PFKFB2: variants seen among roughly 807,000 people sequenced by gnomAD.
PFKFB2 encodes the protein 6-phosphofructo-2-kinase/fructose-2,6-biphosphatase 2.
PFKFB2 carries 53 observed loss-of-function variants against 68.0 expected under a neutral mutation model. That is an observed-to-expected ratio of 0.78 (90% confidence interval 0.63 to 0.98). PFKFB2 has a LOEUF of 0.98. Ranked by LOEUF, PFKFB2 falls within the 50% of genes least tolerant of loss-of-function variation. The pLI, the probability that PFKFB2 is intolerant of heterozygous loss-of-function variation, is 0.00. For missense variants in PFKFB2, 451 were observed against 642.0 expected, an observed-to-expected ratio of 0.70 and a Z score of 3.22; for synonymous variants, 222 against 227.6, an observed-to-expected ratio of 0.98 and a Z score of 0.22.
intron 2 of PFKFB2, chr1:207,043,805 G>C (rs754788279): frequency 6.6e-6 from 1 of 152,534 alleles, no homozygotes; most frequent in Non-Finnish European, 1.5e-5. Context: ...TAAAATAGCC[G>C]TTCAGTGGCC....
rs78685887 is a variant in PFKFB2 at position 207,055,446 on chromosome 1, A to C, written c.85+644A>C. Among the ~76,000 whole-genome samples the C allele has an allele frequency of 2.6e-3, 400 of 152,236 alleles. 1 individual carries two copies. The highest frequency in any genetic ancestry group is 9.2e-3 in the African/African-American group (382 of 41,538). On this transcript the variant is annotated intron_variant, in intron 2 of 14. Coordinates refer to ENST00000367080, the MANE Select transcript of PFKFB2 (RefSeq NM_006212.2). The stretch of plus-strand genomic sequence containing the variant: ...GATAGAAACAGCAGGAGGGTTTGCG[A>C]GGAGATGAAGCATCATTTCCTGTCC...
chr1:207,059,060 CCAGAAAATGAGAAGCCCTGG>C (rs1683009944), intron 2 of PFKFB2, among the ~76,000 whole-genome samples: 3 of 152,162 alleles, frequency 2.0e-5, no homozygotes, highest in African/African-American at 7.2e-5. Flanking sequence ...GTTTTGTACT[CCAGAAAATGAGAAGCCCTGG>C]TTGTAGCAGG....
At chr1:207,054,889 G>T in intron 2 of PFKFB2, 87 bp downstream of exon 2, 1 of 880,980 alleles carries the variant, frequency 1.1e-6, no homozygotes, top group East Asian at 2.6e-5. Context: ...GCTGCTTGGT[G>T]GGAGTGATAA....
rs1001912772 is a variant in PFKFB2 at position 207,074,832 on chromosome 1, C to A, written c.*2461C>A. 1.0e-6 allele frequency: 1 copy of A among 985,286 alleles called. No individual in the cohort carries two copies. Among genetic ancestry groups the A allele is most frequent in the Admixed American group, 6.1e-5 (1 of 16,264 alleles). The allele number at this position is 985,286 out of a possible 1,614,324, so 61.0% of individuals were successfully genotyped here. ...GCAACAGTCTGAGTCTAGAAGTGTT[C>A]AACCATCACATCGCTTCTCCTGACT... On this transcript the variant is annotated 3_prime_UTR_variant, in exon 15 of 15. Coordinates refer to ENST00000367080, the MANE Select transcript of PFKFB2 (RefSeq NM_006212.2).
chr1:207,075,631 C>G lies in PFKFB2; in HGVS notation c.*3260C>G. 2 of 985,010 alleles carry G rather than the reference C, an allele frequency of 2.0e-6. No homozygotes were observed. The highest frequency in any genetic ancestry group is 2.4e-6 in the Non-Finnish European group (2 of 829,562). 61.0% of individuals were successfully genotyped at this position (985,010 alleles called of 1,614,324 possible). On this transcript the variant is annotated 3_prime_UTR_variant, in exon 15 of 15. Transcript: ENST00000367080. ...ATAGGTAAAGACATTAGCATTTAAT[C>G]TACTGGAATAAGCTGGTTGCTGTGG...
chr1:207,037,389 T>C (rs1358917561), intron 1 of PFKFB2, among the ~76,000 whole-genome samples: 1 of 152,242 alleles, frequency 6.6e-6, no homozygotes, highest in Non-Finnish European at 1.5e-5. Flanking sequence ...CCTTAAATGT[T>C]GGGAGTTACT....
chr1:207,078,810 C>T (rs763982866), downstream of PFKFB2: 1 of 694,144 alleles, frequency 1.4e-6, no homozygotes, highest in Non-Finnish European at 2.6e-6. Flanking sequence ...TGTAGGCACA[C>T]CAGTGTGTTC....
rs1683526711 is a variant in PFKFB2, at chr1:207,073,420, T to A, written c.*1049T>A. On this transcript the variant is annotated 3_prime_UTR_variant, in exon 15 of 15. Coordinates refer to ENST00000367080, the MANE Select transcript of PFKFB2 (RefSeq NM_006212.2). ...GGCAGTTAGATTCAGGAGTCACCAC[T>A]GATGTTTGAGTTGCTCAAGGCAAGA... The A allele has an allele frequency of 1.0e-6, 1 of 985,318 alleles. No homozygotes were observed. The highest frequency in any genetic ancestry group is 4.7e-5 in the South Asian group (1 of 21,290). 61.0% of individuals were successfully genotyped at this position (985,318 alleles called of 1,614,324 possible).
chr1:207,062,752 T>A, intron 4 of PFKFB2, 36 bp downstream of exon 4: 3 of 1,593,702 alleles, frequency 1.9e-6, no homozygotes, highest in Non-Finnish European at 2.6e-6. Flanking sequence ...CCAGGTCAGC[T>A]CTTTCTTGGC....
chr1:207,072,132 G>C, intron 14 of PFKFB2, 72 bp from the exon 15 acceptor site: 1 of 1,563,434 alleles, frequency 6.4e-7, no homozygotes, highest in East Asian at 2.3e-5. Flanking sequence ...GGTTACAAGC[G>C]CATTATTAAC....
intron 10 of PFKFB2, 118 bp downstream of exon 10, chr1:207,068,427 AGGAAGCTGACTCTATGGCCAGCCC>A: frequency 1.2e-6 from 1 of 867,270 alleles, no homozygotes; most frequent in South Asian, 3.2e-5. Context: ...AAAAACTCTG[AGGAAGCTGACTCTATGGCCAGCCC>A]GGGGGATCAG....
At chr1:207,051,294 T>TGAAG (rs1682746726), upstream of PFKFB2, among the ~76,000 whole-genome samples, 1 of 152,156 alleles carries the variant, frequency 6.6e-6, no homozygotes, top group Non-Finnish European at 1.5e-5. Flanking sequence ...GAGATTGGAA[T>TGAAG]GTGACCTTGC....
In PFKFB2 at chr1:207,057,911, A is replaced by G. The variant is rs576593410; in HGVS notation, c.85+3109A>G. Among the ~76,000 whole-genome samples the G allele has an allele frequency of 1.1e-4, 16 of 152,318 alleles. No individual in the cohort carries two copies. The South Asian group carries it at 3.3e-3, about 32-fold the overall frequency. On this transcript the variant is annotated intron_variant, in intron 2 of 14. Coordinates refer to ENST00000367080, the MANE Select transcript of PFKFB2 (RefSeq NM_006212.2). ...ATTGTTTCCAGTTTTTCATCATCAC[A>G]AAGAGTGCTGCAGTGACCATTCTTA...
rs761035481 is a variant in PFKFB2, at chr1:207,072,260, T to C, written c.1407T>C (p.Pro469=). The C allele has an allele frequency of 1.1e-5, 18 of 1,614,154 alleles. No individual in the cohort carries two copies. In the South Asian group the frequency reaches 1.9e-4, roughly 17 times the overall value. ...GGATGAGAAGGAACAGCTTTACGCC[T>C]CTGTCCAGTTCGAATACAATAAGGC... The part of the protein sequence containing the change: ...PVRMRRNSFT[P]LSSSNTIRRP... Residue 469 remains proline, a synonymous_variant, in exon 15 of 15, where the codon CCT becomes CCC. Transcript: ENST00000367080.
rs757012478 is a variant in PFKFB2 at position 207,068,260 on chromosome 1, C to T, written c.938C>T (p.Ser313Phe). The T allele has an allele frequency of 1.9e-5, 31 of 1,610,702 alleles. No homozygotes were observed. Among genetic ancestry groups the T allele is most frequent in the Non-Finnish European group, 2.5e-5 (29 of 1,178,216 alleles). Residue 313 changes from serine to phenylalanine, a missense_variant, in exon 10 of 15, where the codon TCT becomes TTT. Transcript: ENST00000367080. ...QLKRTIQTAE[S>F]LGVPYEQWKI... ...AAGAGGACCATACAGACTGCTGAAT[C>T]TCTCGGGGTGCCCTATGAGCAGTGG... is the stretch of plus-strand genomic sequence containing the variant.
At chr1:207,049,891 G>T (rs1244014901), upstream of PFKFB2, among the ~76,000 whole-genome samples, 1 of 152,162 alleles carries the variant, frequency 6.6e-6, no homozygotes, top group Non-Finnish European at 1.5e-5. Flanking sequence ...TTTGTTCACT[G>T]AATTTTCATA....
At chr1:207,062,753 C>G in intron 4 of PFKFB2, 37 bp downstream of exon 4, 3 of 1,589,382 alleles carry the variant, frequency 1.9e-6, no homozygotes, top group Non-Finnish European at 2.6e-6. Context: ...CAGGTCAGCT[C>G]TTTCTTGGCC....
In PFKFB2 at chr1:207,062,089, C is replaced by G; in HGVS notation, c.211+11C>G. ...GAGTCCCCACCAAAGGTAAGTGTGG[C>G]TCATTCCCTAGGAAAGACAATTATT... is the stretch of plus-strand genomic sequence containing the variant. On this transcript the variant is annotated intron_variant, in intron 3 of 14. Transcript: ENST00000367080. 1.2e-6 allele frequency: 2 copies of G among 1,614,004 alleles called. No individual in the cohort carries two copies. Among genetic ancestry groups the G allele is most frequent in the Non-Finnish European group, 8.5e-7 (1 of 1,179,904 alleles).
chr1:207,039,077 T>G (rs1311774120), intron 1 of PFKFB2, among the ~76,000 whole-genome samples: 3 of 152,214 alleles, frequency 2.0e-5, no homozygotes, highest in Non-Finnish European at 4.4e-5. Flanking sequence ...ATCTTCATTG[T>G]AAGAGTAAGA....
Sources: gnomAD v4.1 joint callset for allele counts (sites outside exome capture counted in the v4.1 genomes callset) on GRCh38, gnomAD v4.1.1 for gene constraint, MANE v1.5 for transcripts, NCBI Gene and HGNC (gene_info 2026-07-23, HGNC 2026-07-21) for gene names.